The following RAVER2 variants were observed in gnomAD, a reference collection of about 807,000 sequenced individuals.
The protein encoded by RAVER2 is ribonucleoprotein, PTB binding 2, also known as ribonucleoprotein PTB-binding 2.
In RAVER2, 46 loss-of-function variants were observed where a neutral mutation model predicts 78.1. That is an observed-to-expected ratio of 0.59 (90% confidence interval 0.46 to 0.75). The LOEUF (loss-of-function observed/expected upper bound fraction) is 0.75. RAVER2 is among the 30% of genes least tolerant of loss of function. The pLI, the probability that RAVER2 is intolerant of heterozygous loss-of-function variation, is 0.00. For synonymous variants in RAVER2, 311 were observed against 313.3 expected, an observed-to-expected ratio of 0.99 and a Z score of 0.08; for missense variants, 793 against 837.5, an observed-to-expected ratio of 0.95 and a Z score of 0.66.
At chr1:64,761,009 C>A (rs1190067471) in intron 1 of RAVER2, among the ~76,000 whole-genome samples, 1 of 152,132 alleles carries the variant, frequency 6.6e-6, no homozygotes, top group Non-Finnish European at 1.5e-5. Context: ...TCAATGTTCT[C>A]ATCTTTAAAA....
At chr1:64,827,627 A>G (rs1378061215) in intron 11 of RAVER2, among the ~76,000 whole-genome samples, 2 of 152,242 alleles carry the variant, frequency 1.3e-5, no homozygotes, top group Admixed American at 6.5e-5. Context: ...TTTGTTTGGT[A>G]TTCAAAGCAT....
intron 5 of RAVER2, among the ~76,000 whole-genome samples, chr1:64,802,354 A>T (rs2100870655): frequency 6.6e-6 from 1 of 152,242 alleles, no homozygotes; most frequent in Admixed American, 6.5e-5. Context: ...TCTGGTTCAA[A>T]CATCTCTGAC....
intron 5 of RAVER2, among the ~76,000 whole-genome samples, chr1:64,797,107 A>G (rs1653116293): frequency 6.6e-6 from 1 of 152,172 alleles, no homozygotes; most frequent in Non-Finnish European, 1.5e-5. Flanking sequence ...TAGAATTTAG[A>G]CTTGTTTCAT....
intron 11 of RAVER2, among the ~76,000 whole-genome samples, chr1:64,824,991 A>G (rs959689051): frequency 4.0e-5 from 6 of 150,170 alleles, no homozygotes; most frequent in African/African-American, 1.2e-4. Context: ...TTGGGGATGA[A>G]TCGTTAAATC....
chr1:64,812,853 A>C lies in RAVER2; in HGVS notation c.1792+4A>C. 6.4e-7 allele frequency: 1 copy of C among 1,568,654 alleles called. No homozygotes were observed. Among genetic ancestry groups the C allele is most frequent in the South Asian group, 1.2e-5 (1 of 86,336 alleles). The stretch of plus-strand genomic sequence containing the variant: ...TTGCCCAGTGTGTGCTTATCATGTA[A>C]GTAGGGGCTCAGTATTCTTGTTGTG... On this transcript the variant is annotated splice_donor_region_variant and intron_variant, in intron 10 of 11. Coordinates refer to ENST00000294428, the Ensembl canonical transcript of RAVER2.
At chr1:64,824,776 A>C (rs1227783228) in intron 11 of RAVER2, among the ~76,000 whole-genome samples, 1 of 137,170 alleles carries the variant, frequency 7.3e-6, no homozygotes, top group Admixed American at 8.8e-5. Flanking sequence ...CAGAAAATAC[A>C]AAAAATTAGC....
At chr1:64,797,298 G>A (rs1653121105) in intron 5 of RAVER2, among the ~76,000 whole-genome samples, 1 of 152,140 alleles carries the variant, frequency 6.6e-6, no homozygotes, top group Admixed American at 6.5e-5. Flanking sequence ...TTATACTGAG[G>A]AGAAGGATGG....
At chr1:64,749,334 C>T (rs1349957203) in intron 1 of RAVER2, among the ~76,000 whole-genome samples, 1 of 152,126 alleles carries the variant, frequency 6.6e-6, no homozygotes, top group Non-Finnish European at 1.5e-5. Flanking sequence ...CCTCAGCCTC[C>T]CGAGTAGCTG....
intron 2 of RAVER2, among the ~76,000 whole-genome samples, chr1:64,774,012 A>G (rs1652392855): frequency 6.6e-6 from 1 of 152,082 alleles, no homozygotes; most frequent in African/African-American, 2.4e-5. Flanking sequence ...CCCTTTGCCC[A>G]CTTTTTGATG....
chr1:64,828,056 G>T (rs143610647), intron 11 of RAVER2, among the ~76,000 whole-genome samples: 1 of 152,096 alleles, frequency 6.6e-6, no homozygotes, highest in Non-Finnish European at 1.5e-5. Flanking sequence ...CTCCTGGAAG[G>T]GTCACCACCT....
At chr1:64,768,033 G>GT (rs11349028) in intron 1 of RAVER2, among the ~76,000 whole-genome samples, 4 of 151,896 alleles carry the variant, frequency 2.6e-5, no homozygotes, top group African/African-American at 4.8e-5. Flanking sequence ...TTAGTAGTTA[G>GT]TTTTTTTCAT....
At chr1:64,809,496 A>G (rs1653543303) in intron 9 of RAVER2, among the ~76,000 whole-genome samples, 1 of 148,756 alleles carries the variant, frequency 6.7e-6, no homozygotes, top group South Asian at 2.1e-4. Context: ...GCAAAAATAA[A>G]TAAATAAATA....
exon 3 of RAVER2, chr1:64,777,828 C>T (rs1482637292): frequency 6.2e-7 from 1 of 1,613,942 alleles, no homozygotes; most frequent in Non-Finnish European, 8.5e-7. Context: ...GTTTTCTGGT[C>T]TATAGTGAAG....
chr1:64,826,228 A>G (rs527390553), intron 11 of RAVER2, among the ~76,000 whole-genome samples: 1 of 152,264 alleles, frequency 6.6e-6, no homozygotes, highest in Admixed American at 6.5e-5. Context: ...CAAAATCCTT[A>G]TAAGAATGGA....
chr1:64,830,041 G>C (rs979677376), intron 11 of RAVER2, among the ~76,000 whole-genome samples: 1 of 152,156 alleles, frequency 6.6e-6, no homozygotes, highest in Non-Finnish European at 1.5e-5. Context: ...ACGTGAGAAG[G>C]CTCCTGTGTG....
chr1:64,810,526 C>T (rs1405058176), intron 9 of RAVER2, among the ~76,000 whole-genome samples: 1 of 152,180 alleles, frequency 6.6e-6, no homozygotes, highest in African/African-American at 2.4e-5. Flanking sequence ...CTCCCAAAGG[C>T]CCCACCTTCT....
intron 1 of RAVER2, among the ~76,000 whole-genome samples, chr1:64,757,595 C>G (rs1651889896): frequency 6.6e-6 from 1 of 152,214 alleles, no homozygotes; most frequent in Non-Finnish European, 1.5e-5. Context: ...GTTTAAGCCA[C>G]TCAGTCTGTG....
At chr1:64,814,836 C>A in exon 11 of RAVER2, 4 of 1,564,366 alleles carry the variant, frequency 2.6e-6, no homozygotes, top group Non-Finnish European at 3.5e-6. Context: ...GGTGATTATG[C>A]ACAGGTAAAT....
At chr1:64,797,935 T>TA (rs1259518420) in intron 5 of RAVER2, among the ~76,000 whole-genome samples, 1 of 151,562 alleles carries the variant, frequency 6.6e-6, no homozygotes. Context: ...TTTTTTTTTT[T>TA]ATTATACTTT....
Sources: allele counts gnomAD v4.1 joint callset (sites outside exome capture counted in the v4.1 genomes callset), GRCh38; gene constraint gnomAD v4.1.1; transcripts MANE v1.5; gene names NCBI Gene and HGNC (gene_info 2026-07-23, HGNC 2026-07-21).